NPAS3: variants seen among roughly 807,000 people sequenced by gnomAD.
NPAS3 encodes the protein neuronal PAS domain-containing protein 3.
In NPAS3, 14 loss-of-function variants were observed where a neutral mutation model predicts 73.1. The observed-to-expected ratio is 0.19, with a 90% CI of 0.13 to 0.30. The LOEUF is 0.30. Ranked by LOEUF, NPAS3 falls within the 10% of genes least tolerant of loss-of-function variation. The pLI is 1.00. For synonymous variants in NPAS3, 620 were observed against 541.5 expected (o/e 1.14, Z -2.01); for missense variants, 1,096 against 1,250.0 (o/e 0.88, Z 1.86).
chr14:33,056,229 GT>G (rs1229035662), intron 2 of NPAS3, among the ~76,000 whole-genome samples: 2 of 151,824 alleles, frequency 1.3e-5, no homozygotes, highest in South Asian at 2.1e-4. Context: ...TGGTCTAAAA[GT>G]TTTTTTTAAC....
At chr14:32,958,546 A>G (rs1001292761) in intron 1 of NPAS3, among the ~76,000 whole-genome samples, 4 of 151,964 alleles carry the variant, frequency 2.6e-5, no homozygotes, top group Non-Finnish European at 2.9e-5. Context: ...CTCATTCTGC[A>G]CTCCCTCCAG....
chr14:33,180,915 G>T (rs2045776161), intron 2 of NPAS3, among the ~76,000 whole-genome samples: 3 of 151,626 alleles, frequency 2.0e-5, no homozygotes, highest in South Asian at 4.2e-4. Flanking sequence ...ATATAATTAA[G>T]GCTGGGAAGT....
chr14:33,748,132 T>A (rs2061858865), intron 7 of NPAS3, among the ~76,000 whole-genome samples: 1 of 152,206 alleles, frequency 6.6e-6, no homozygotes, highest in Non-Finnish European at 1.5e-5. Flanking sequence ...TTATAAATAT[T>A]AGACATGATT....
At chr14:33,607,545 G>C (rs1379134908) in intron 5 of NPAS3, among the ~76,000 whole-genome samples, 5 of 152,164 alleles carry the variant, frequency 3.3e-5, no homozygotes, top group Admixed American at 1.3e-4. Context: ...TTAGAAAAAG[G>C]CATGAGGAAA....
intron 3 of NPAS3, among the ~76,000 whole-genome samples, chr14:33,363,915 A>G (rs1329698755): frequency 1.6e-5 from 1 of 60,782 alleles, no homozygotes; most frequent in African/African-American, 4.8e-5. Context: ...TTATTTAGCA[A>G]TGCCCTCTGT....
intron 4 of NPAS3, among the ~76,000 whole-genome samples, chr14:33,521,632 C>T (rs763625379): frequency 2.6e-4 from 40 of 151,956 alleles, no homozygotes; most frequent in Non-Finnish European, 4.6e-4. Context: ...GCATCGAAAT[C>T]CCTTGTAAAA....
chr14:33,452,774 C>CAAAAA lies in NPAS3; in HGVS notation c.468+85527_468+85531dup, dbSNP rs61640170. 4.2e-3 allele frequency among the ~76,000 whole-genome samples: 228 copies of CAAAAA among 53,824 alleles called. 41 individuals are homozygous for CAAAAA. The highest frequency in any genetic ancestry group is 0.012 in the African/African-American group (153 of 12,874). The allele number at this position is 53,824 out of a possible 152,430, so 35.3% of individuals were successfully genotyped here. On this transcript the variant is annotated intron_variant, in intron 4 of 11. Coordinates refer to ENST00000356141, the Ensembl canonical transcript of NPAS3. ...TGGGCGACAGAGTTAGACTCTGTCT[C>CAAAAA]AAAAAAAAAAAAAAAAAAAAAAAAA...
chr14:33,165,056 T>C (rs992992740), intron 2 of NPAS3, among the ~76,000 whole-genome samples: 1 of 151,808 alleles, frequency 6.6e-6, no homozygotes, highest in Non-Finnish European at 1.5e-5. Flanking sequence ...TTTAGCAGAG[T>C]GTAAGTCAGG....
At chr14:33,784,741 A>ATTTATTTT (rs1333622636) in intron 9 of NPAS3, among the ~76,000 whole-genome samples, 2 of 72,770 alleles carry the variant, frequency 2.7e-5, no homozygotes, top group African/African-American at 1.4e-4. Flanking sequence ...TTATTTATTT[A>ATTTATTTT]TTTATTTTTT....
chr14:33,781,307 G>A (rs1326436667), intron 9 of NPAS3, among the ~76,000 whole-genome samples: 2 of 152,098 alleles, frequency 1.3e-5, no homozygotes, highest in African/African-American at 4.8e-5. Context: ...AATGCATCTC[G>A]CTTTGTACAA....
intron 2 of NPAS3, among the ~76,000 whole-genome samples, chr14:33,127,333 G>A (rs1566588517): frequency 6.6e-6 from 1 of 152,076 alleles, no homozygotes; most frequent in African/African-American, 2.4e-5. Flanking sequence ...TTTTAATTAT[G>A]AGTTTGTGTA....
intron 4 of NPAS3, among the ~76,000 whole-genome samples, chr14:33,525,465 G>A (rs1200174369): frequency 1.3e-5 from 2 of 152,164 alleles, no homozygotes; most frequent in Non-Finnish European, 2.9e-5. Flanking sequence ...CTTGCAATCA[G>A]AAGGTAGAAG....
At chr14:33,784,523 G>A (rs1219607390) in intron 9 of NPAS3, among the ~76,000 whole-genome samples, 1 of 152,088 alleles carries the variant, frequency 6.6e-6, no homozygotes, top group African/African-American at 2.4e-5. Flanking sequence ...CAAGAGAGAT[G>A]GAGGAGTGGT....
At chr14:33,735,302 C>T (rs368561940) in exon 7 of NPAS3, 22 of 1,613,304 alleles carry the variant, frequency 1.4e-5, no homozygotes, top group South Asian at 2.2e-5. Context: ...TGACCAAACG[C>T]GGTGTGCACA....
chr14:33,119,486 G>A (rs1044900038), intron 2 of NPAS3, among the ~76,000 whole-genome samples: 3 of 152,060 alleles, frequency 2.0e-5, no homozygotes, highest in Non-Finnish European at 4.4e-5. Context: ...CCAGCTCAGG[G>A]CTAGGTCCTG....
At chr14:32,968,220 A>G (rs1221890191) in intron 1 of NPAS3, among the ~76,000 whole-genome samples, 1 of 152,188 alleles carries the variant, frequency 6.6e-6, no homozygotes, top group East Asian at 1.9e-4. Flanking sequence ...AATAGCTAGA[A>G]GAGAGGATTT....
chr14:33,802,382 A>G (rs1212538664), downstream of NPAS3: 1 of 148,740 alleles, frequency 6.7e-6, no homozygotes, highest in East Asian at 2.0e-4. Context: ...TAAGTAAAAA[A>G]AAAAAAAAAG....
At position 33,788,728 on chromosome 14, in the gene NPAS3, T is replaced by C. The variant is rs150664032; in HGVS notation, c.1154-5169T>C. 4.4e-3 allele frequency among the ~76,000 whole-genome samples: 667 copies of C among 152,302 alleles called. 10 individuals are homozygous for C. The highest frequency in any genetic ancestry group is 0.014 in the African/African-American group (601 of 41,562). On this transcript the variant is annotated intron_variant, in intron 9 of 11. Coordinates refer to ENST00000356141, the Ensembl canonical transcript of NPAS3. ...TATGTTCCTGCCACAGACACTGGCT[T>C]CCTTTATGTCCTTTCAGTCGTCAGT...
intron 5 of NPAS3, among the ~76,000 whole-genome samples, chr14:33,607,271 C>A (rs1265779919): frequency 6.6e-6 from 1 of 152,074 alleles, no homozygotes; most frequent in Admixed American, 6.6e-5. Flanking sequence ...ACATTCCAGA[C>A]GTCCATTACT....
Sources: gnomAD v4.1 joint callset for allele counts (sites outside exome capture counted in the v4.1 genomes callset) on GRCh38, gnomAD v4.1.1 for gene constraint, MANE v1.5 for transcripts, NCBI Gene and HGNC (gene_info 2026-07-23, HGNC 2026-07-21) for gene names.